The following INSYN2A variants were observed in gnomAD, a reference collection of about 807,000 sequenced individuals.
INSYN2A encodes family with sequence similarity 196 member A.
In INSYN2A, 17 loss-of-function variants were observed where a neutral mutation model predicts 39.4. That is an observed-to-expected ratio of 0.43 (90% CI 0.30 to 0.65). The LOEUF (loss-of-function observed/expected upper bound fraction) is 0.65. INSYN2A is among the 30% of genes least tolerant of loss of function. The pLI is 0.14. For missense variants in INSYN2A, 595 were observed against 631.2 expected (o/e 0.94, Z 0.61); for synonymous variants, 255 against 265.7 (o/e 0.96, Z 0.39).
At chr10:127,148,896 G>T (rs967156395) in intron 5 of INSYN2A, among the ~76,000 whole-genome samples, 3 of 152,070 alleles carry the variant, frequency 2.0e-5, no homozygotes, top group African/African-American at 7.2e-5. Flanking sequence ...CATCACAACC[G>T]AAGGGATGTC....
chr10:127,175,739 C>A lies in INSYN2A; in HGVS notation c.657G>T (p.Glu219Asp). ...LQNSTRPPSE[E>D]PDYQLLGRAK... The stretch of plus-strand genomic sequence containing the variant: ...CCCTCCCGAGCAGCTGGTAATCGGG[C>A]TCTTCGGATGGAGGCCGAGTGGAGT... The change falls in exon 4 of 6, where the codon GAG becomes GAT. Residue 219 changes from glutamate to aspartate, a missense_variant. Transcript: ENST00000522781. This position sits in a 1 kb window ranked among gnomAD's most constrained non-coding sequence, Gnocchi z 6.3. The A allele has an allele frequency of 1.2e-6, 2 of 1,614,076 alleles. No individual in the cohort carries two copies. The highest frequency in any genetic ancestry group is 8.5e-7 in the Non-Finnish European group (1 of 1,180,022).
At position 127,149,515 on chromosome 10, in the gene INSYN2A, C is replaced by T. The variant is rs575087835; in HGVS notation, c.1256+4337G>A. On this transcript the variant is annotated intron_variant, in intron 5 of 5. Transcript: ENST00000522781. ...ATTACAGGCCTGTGGTGCTAAAGCC[C>T]CAGGCAGCCGGGTCTTGAACACAGT... 1.2e-3 allele frequency among the ~76,000 whole-genome samples: 186 copies of T among 152,286 alleles called. 3 individuals are homozygous for T. Among genetic ancestry groups the T allele is most frequent in the Non-Finnish European group, 5.3e-4 (36 of 68,020 alleles).
intron 2 of INSYN2A, among the ~76,000 whole-genome samples, chr10:127,183,295 G>C (rs887981246): frequency 6.6e-6 from 1 of 152,120 alleles, no homozygotes; most frequent in African/African-American, 2.4e-5. Context: ...AAGTCATTTA[G>C]AGTTGAAGAT....
chr10:127,156,713 C>A (rs1360159795), intron 4 of INSYN2A, among the ~76,000 whole-genome samples: 1 of 151,972 alleles, frequency 6.6e-6, no homozygotes, highest in Non-Finnish European at 1.5e-5. Flanking sequence ...GGATTACAGG[C>A]ATACGCCACC....
At chr10:127,195,241 C>T (rs1365644217) in intron 1 of INSYN2A, among the ~76,000 whole-genome samples, 1 of 152,206 alleles carries the variant, frequency 6.6e-6, no homozygotes, top group African/African-American at 2.4e-5. Flanking sequence ...AGGAGCTGCC[C>T]CGACCCCGGG....
At chr10:127,180,103 G>A (rs1333585240) in intron 2 of INSYN2A, among the ~76,000 whole-genome samples, 1 of 152,220 alleles carries the variant, frequency 6.6e-6, no homozygotes, top group Non-Finnish European at 1.5e-5. Flanking sequence ...AAGGAACTCT[G>A]TAACTTGAAG....
rs2056842627 is a variant in INSYN2A at position 127,192,731 on chromosome 10, C to A, written c.-394-1G>T. ...ATACCTTAGTTAGTGCCTTCAGGATCTGAAACAGACACATTATCACACATG... is the reference window on the plus strand; with the variant it reads ...ATACCTTAGTTAGTGCCTTCAGGATATGAAACAGACACATTATCACACATG... On this transcript the variant is annotated splice_acceptor_variant, in intron 1 of 5. Transcript: ENST00000522781. LOFTEE classifies it low-confidence loss of function (5UTR_SPLICE). 1 of 152,208 alleles carries A rather than the reference C, an allele frequency of 6.6e-6. No individual in the cohort carries two copies. Among genetic ancestry groups the A allele is most frequent in the African/African-American group, 2.4e-5 (1 of 41,460 alleles). The allele number at this position is 152,208 out of a possible 1,614,324, so 9.4% of individuals were successfully genotyped here. A position where few individuals can be genotyped will look rare whatever the true frequency, so the allele number is the denominator to read the frequency against.
In INSYN2A at chr10:127,175,661, G is replaced by C; in HGVS notation, c.735C>G (p.Leu245=). The change falls in exon 4 of 6, where the codon CTC becomes CTG. Residue 245 remains leucine (L), a synonymous_variant. Transcript: ENST00000522781. This position sits in a 1 kb window ranked among gnomAD's most constrained non-coding sequence, Gnocchi z 6.3. The part of the protein sequence containing the change: ...PNSEEPAPPA[L]RRVFKTEVAT... Reference sequence around the variant, plus strand: ...CAACCTCCGTTTTAAACACCCTCCTGAGGGCAGGTGGAGCGGGCTCCTCGG... The same window carrying C: ...CAACCTCCGTTTTAAACACCCTCCTCAGGGCAGGTGGAGCGGGCTCCTCGG... The C allele has an allele frequency of 1.2e-6, 2 of 1,613,658 alleles. No individual in the cohort carries two copies. The highest frequency in any genetic ancestry group is 8.5e-7 in the Non-Finnish European group (1 of 1,179,980).
chr10:127,190,800 CAGA>C (rs2056697175), intron 2 of INSYN2A, among the ~76,000 whole-genome samples: 1 of 151,228 alleles, frequency 6.6e-6, no homozygotes, highest in Non-Finnish European at 1.5e-5. Flanking sequence ...ACTTGTCTGC[CAGA>C]AGGTTTTACT....
At chr10:127,143,199 G>A (rs1326469628) in intron 5 of INSYN2A, among the ~76,000 whole-genome samples, 3 of 152,130 alleles carry the variant, frequency 2.0e-5, no homozygotes, top group Admixed American at 1.3e-4. Context: ...TTCTGCAGTC[G>A]TCCATGTGTA....
rs1229907822 is a variant in INSYN2A, at chr10:127,196,054, G to C, written c.-452C>G. ...GCAGCGCCTGGCTCGGGCATGTCTC[G>C]CTGCGGACCCTGGCAAGCCTGGGGC... On this transcript the variant is annotated 5_prime_UTR_variant, in exon 1 of 6. Transcript: ENST00000522781. 3 of 152,200 alleles carry C rather than the reference G, an allele frequency of 2.0e-5. No individual in the cohort carries two copies. The East Asian group carries it at 5.9e-4, about 30-fold the overall frequency. The allele number at this position is 152,200 out of a possible 1,614,324, so 9.4% of individuals were successfully genotyped here.
chr10:127,165,679 G>A (rs1201398554), intron 4 of INSYN2A, among the ~76,000 whole-genome samples: 10 of 152,126 alleles, frequency 6.6e-5, no homozygotes, highest in Non-Finnish European at 1.3e-4. Flanking sequence ...GGCATGTGAC[G>A]GTCCTCTGAA....
intron 2 of INSYN2A, among the ~76,000 whole-genome samples, chr10:127,189,008 A>G (rs1172961620): frequency 2.0e-5 from 3 of 152,182 alleles, no homozygotes; most frequent in Non-Finnish European, 2.9e-5. Flanking sequence ...GTCAGGGCTC[A>G]GGTGGTCGGC....
chr10:127,156,986 T>C (rs556979783), intron 4 of INSYN2A, among the ~76,000 whole-genome samples: 4 of 152,320 alleles, frequency 2.6e-5, no homozygotes, highest in African/African-American at 9.6e-5. Flanking sequence ...ATACTAAGTG[T>C]GAAACATTTT....
In INSYN2A at chr10:127,176,639, C is replaced by T. The variant is rs2055188662; in HGVS notation, c.-6+238G>A. 6.6e-6 allele frequency among the ~76,000 whole-genome samples: 1 copy of T among 152,168 alleles called. No homozygotes were observed. Among genetic ancestry groups the T allele is most frequent in the Admixed American group, 6.5e-5 (1 of 15,272 alleles). ...TTCCAGGTGGGATACACTCGCTTTC[C>T]TTTTGACAGTAATGCATGTTTCCCC... On this transcript the variant is annotated intron_variant, in intron 3 of 5. Transcript: ENST00000522781. This position sits in a 1 kb window ranked among gnomAD's most constrained non-coding sequence, Gnocchi z 4.4.
intron 4 of INSYN2A, among the ~76,000 whole-genome samples, chr10:127,168,124 G>C (rs1445897815): frequency 1.3e-5 from 2 of 152,176 alleles, no homozygotes; most frequent in African/African-American, 2.4e-5. Context: ...TCAGGAGAGG[G>C]AAGGTCAGCA....
At chr10:127,155,750 A>G (rs1009081298) in intron 4 of INSYN2A, among the ~76,000 whole-genome samples, 13 of 152,126 alleles carry the variant, frequency 8.5e-5, no homozygotes, top group African/African-American at 2.7e-4. Context: ...CTCTTGCCCT[A>G]TATAGACTTA....
chr10:127,164,269 C>T (rs561726251), intron 4 of INSYN2A, among the ~76,000 whole-genome samples: 64 of 143,718 alleles, frequency 4.5e-4, no homozygotes, highest in Non-Finnish European at 8.9e-4. Flanking sequence ...CTGCAAACTC[C>T]ACCTCCCAGG....
In INSYN2A at chr10:127,141,684, A is replaced by C. The variant is rs554195038; in HGVS notation, c.1257-3664T>G. Among the ~76,000 whole-genome samples the C allele has an allele frequency of 1.4e-3, 218 of 152,214 alleles. 1 individual carries two copies. The highest frequency in any genetic ancestry group is 5.1e-3 in the African/African-American group (213 of 41,544). On this transcript the variant is annotated intron_variant, in intron 5 of 5. Transcript: ENST00000522781. ...AGACTTTGTCTTTAAAACAAAAAAA[A>C]AAAAAAAGCAAATTCTACCTCACTT...
Sources: gnomAD v4.1 joint callset for allele counts (sites outside exome capture counted in the v4.1 genomes callset) on GRCh38, gnomAD v4.1.1 for gene constraint, Gnocchi (gnomAD v3.1) non-coding constraint, MANE v1.5 for transcripts, NCBI Gene and HGNC (gene_info 2026-07-23, HGNC 2026-07-21) for gene names.